The following FGD6 variants were observed in gnomAD, a reference collection of about 807,000 sequenced individuals.
The protein encoded by FGD6 is FYVE, RhoGEF and PH domain containing 6, also known as FYVE, RhoGEF and PH domain-containing protein 6.
Under a neutral mutation model 149.4 loss-of-function variants are expected in FGD6, and 90 were observed. The observed-to-expected ratio is 0.60, with a 90% CI of 0.51 to 0.72. FGD6 has a LOEUF of 0.72. Ranked by LOEUF, FGD6 falls within the 30% of genes least tolerant of loss-of-function variation. The pLI is 0.00. For missense variants in FGD6, 1,437 were observed against 1,684.8 expected, an observed-to-expected ratio of 0.85 and a Z score of 2.57; for synonymous variants, 527 against 584.0, an observed-to-expected ratio of 0.90 and a Z score of 1.41.
chr12:95,153,912 C>CGTCTGT (rs1555220506), intron 3 of FGD6, among the ~76,000 whole-genome samples: 4 of 141,318 alleles, frequency 2.8e-5, no homozygotes, highest in Non-Finnish European at 4.6e-5. Flanking sequence ...AAATGAAATT[C>CGTCTGT]GTGTGTGTGT....
chr12:95,120,922 CTCT>C (rs1217972335), intron 8 of FGD6, among the ~76,000 whole-genome samples: 2 of 151,866 alleles, frequency 1.3e-5, no homozygotes, highest in Admixed American at 6.6e-5. Flanking sequence ...TTATTATGTG[CTCT>C]TTTTTTCTAA....
intron 8 of FGD6, among the ~76,000 whole-genome samples, chr12:95,121,385 G>A (rs547290761): frequency 1.3e-5 from 2 of 149,146 alleles, no homozygotes; most frequent in East Asian, 2.0e-4. Flanking sequence ...AGGAGGTGGA[G>A]GTTGCAGTGA....
At chr12:95,111,677 C>A (rs369226468) in intron 9 of FGD6, among the ~76,000 whole-genome samples, 2 of 151,948 alleles carry the variant, frequency 1.3e-5, no homozygotes, top group African/African-American at 4.8e-5. Context: ...CTCGGTGCAC[C>A]CTTACTTTGA....
rs1218477237 is a variant in FGD6, at chr12:95,089,679, T to C, written c.3868A>G (p.Arg1290Gly). The part of the protein sequence containing the change: ...LQKLDHQHSP[R>G]IGSPGNHKSP... ...TTGTGATTTCCAGGAGATCCAATCC[T>C]AGGGGAGTGCTGGTGATCTAGAACA... The change falls in exon 18 of 21, where the codon AGG (arginine) becomes GGG (glycine). Residue 1290 changes from arginine (R) to glycine (G), a missense_variant. By Grantham distance (125) the Arg-to-Gly change is moderately radical (BLOSUM62 -2). Coordinates refer to ENST00000343958, the MANE Select transcript of FGD6 (RefSeq NM_018351.4). 1.2e-6 allele frequency: 2 copies of C among 1,613,834 alleles called. No individual in the cohort carries two copies.
rs1485383454 is a variant in FGD6, at chr12:95,077,181, A to T, written c.*4339T>A. 1 of 152,260 alleles carries T rather than the reference A, an allele frequency of 6.6e-6. No individual in the cohort carries two copies. Among genetic ancestry groups the T allele is most frequent in the Non-Finnish European group, 1.5e-5 (1 of 68,054 alleles). 9.4% of individuals were successfully genotyped at this position (152,260 alleles called of 1,614,324 possible). Reference sequence around the variant, plus strand: ...TGTGTATTAGAGGCACTTAAAAAAAATCAGAAGGGATCCATAGGAAGGAAT... The same window carrying T: ...TGTGTATTAGAGGCACTTAAAAAAATTCAGAAGGGATCCATAGGAAGGAAT... On this transcript the variant is annotated 3_prime_UTR_variant, in exon 21 of 21. Transcript: ENST00000343958.
chr12:95,213,022 A>C (rs2056735966), intron 1 of FGD6, among the ~76,000 whole-genome samples: 3 of 151,236 alleles, frequency 2.0e-5, no homozygotes, highest in Non-Finnish European at 4.4e-5. Flanking sequence ...TTAGCTGTTC[A>C]ATCATCATAG....
chr12:95,113,800 A>T, intron 8 of FGD6, 99 bp from the exon 9 acceptor site: 1 of 707,392 alleles, frequency 1.4e-6, no homozygotes, highest in Admixed American at 3.1e-5. Context: ...GCTGGTTAAT[A>T]TACATGCTAG....
intron 3 of FGD6, among the ~76,000 whole-genome samples, chr12:95,170,347 G>A (rs1445169805): frequency 1.3e-5 from 2 of 152,000 alleles, no homozygotes; most frequent in East Asian, 3.9e-4. Flanking sequence ...TATCCTGTTA[G>A]AACATAGGCT....
At chr12:95,161,178 T>TCAAAAA (rs200256084) in intron 3 of FGD6, among the ~76,000 whole-genome samples, 5 of 151,042 alleles carry the variant, frequency 3.3e-5, no homozygotes, top group South Asian at 2.1e-4. Context: ...AAACTTCATC[T>TCAAAAA]CAAAAACAAA....
chr12:95,083,244 T>C (rs1877757452), intron 20 of FGD6, among the ~76,000 whole-genome samples: 1 of 151,622 alleles, frequency 6.6e-6, no homozygotes, highest in African/African-American at 2.4e-5. Context: ...TACATTTTAA[T>C]ATTCTGTCAT....
intron 2 of FGD6, among the ~76,000 whole-genome samples, chr12:95,185,303 C>T (rs1881398027): frequency 6.6e-6 from 1 of 152,228 alleles, no homozygotes; most frequent in South Asian, 2.1e-4. Context: ...ACTCAGATTA[C>T]ATCTTCGAAA....
intron 3 of FGD6, among the ~76,000 whole-genome samples, chr12:95,167,866 C>G (rs771715430): frequency 6.6e-6 from 1 of 152,040 alleles, no homozygotes; most frequent in Non-Finnish European, 1.5e-5. Flanking sequence ...TGAGCCCCCG[C>G]GCCCAGCCAA....
Position 95,079,288 on chromosome 12 carries a change from T to C in FGD6, c.*2232A>G, listed in dbSNP as rs1434365365. 1 of 152,216 alleles carries C rather than the reference T, an allele frequency of 6.6e-6. No homozygotes were observed. Among genetic ancestry groups the C allele is most frequent in the Non-Finnish European group, 1.5e-5 (1 of 68,044 alleles). The allele number at this position is 152,216 out of a possible 1,614,324, so 9.4% of individuals were successfully genotyped here. On this transcript the variant is annotated 3_prime_UTR_variant, in exon 21 of 21. Coordinates refer to ENST00000343958, the MANE Select transcript of FGD6 (RefSeq NM_018351.4). ...CCCTCCATGGGGCTAAGCCAATAGG[T>C]AATACAGTCACATGCATTTTACATG...
rs1293682551 is a variant in FGD6, at chr12:95,092,815, G to A, written c.3631C>T (p.Pro1211Ser). Residue 1211 changes from proline (P) to serine (S), a missense_variant, in exon 16 of 21, where the codon CCT becomes TCT. By Grantham distance (74) the Pro-to-Ser change is moderately conservative (BLOSUM62 -1). Coordinates refer to ENST00000343958, the MANE Select transcript of FGD6 (RefSeq NM_018351.4). ...ADSENKEEVS[P>S]LGSKAPIWIP... The stretch of plus-strand genomic sequence containing the variant: ...CAGATGGGAGCCTTCGATCCAAGAG[G>A]ACTAACTTCTTCTTTATTTTCTGAG... The A allele has an allele frequency of 9.3e-6, 15 of 1,613,504 alleles. No homozygotes were observed. Among genetic ancestry groups the A allele is most frequent in the Admixed American group, 6.7e-5 (4 of 59,922 alleles).
chr12:95,156,272 G>A (rs1031176794), intron 3 of FGD6, among the ~76,000 whole-genome samples: 5 of 152,188 alleles, frequency 3.3e-5, no homozygotes, highest in Non-Finnish European at 7.3e-5. Flanking sequence ...GCAAATGGGA[G>A]AAATATCGCT....
chr12:95,199,849 C>T (rs538837005), intron 2 of FGD6, among the ~76,000 whole-genome samples: 2 of 152,092 alleles, frequency 1.3e-5, no homozygotes, highest in South Asian at 4.1e-4. Context: ...AAGTAATATG[C>T]CTGCCTGGGC....
intron 1 of FGD6, among the ~76,000 whole-genome samples, chr12:95,215,556 T>C (rs1040399262): frequency 1.3e-5 from 2 of 152,198 alleles, no homozygotes; most frequent in African/African-American, 2.4e-5. Flanking sequence ...AAAAAAGTAG[T>C]TGATGCTTCT....
chr12:95,207,193 T>C (rs147593100), intron 2 of FGD6, among the ~76,000 whole-genome samples: 182 of 152,256 alleles, frequency 1.2e-3, no homozygotes, highest in African/African-American at 4.0e-3. Context: ...GATGGTTCTA[T>C]AATGGGCTTT....
At chr12:95,127,838 C>A (rs1303487519) in intron 8 of FGD6, among the ~76,000 whole-genome samples, 2 of 152,152 alleles carry the variant, frequency 1.3e-5, no homozygotes, top group African/African-American at 2.4e-5. Context: ...AATCAAAGGA[C>A]TATTTTTTTC....
Sources: gnomAD v4.1 joint callset for allele counts (sites outside exome capture counted in the v4.1 genomes callset) on GRCh38, gnomAD v4.1.1 for gene constraint, MANE v1.5 for transcripts, NCBI Gene and HGNC (gene_info 2026-07-23, HGNC 2026-07-21) for gene names.